GPC6: variants seen among roughly 807,000 people sequenced by gnomAD.
GPC6 encodes the protein glypican 6.
A neutral mutation model predicts 55.2 loss-of-function variants in GPC6; 14 were observed. The ratio of observed to expected loss-of-function variants is 0.25; its 90% CI spans 0.17 to 0.40. GPC6 has a LOEUF of 0.40. Among genes scored for constraint, GPC6 ranks in the 10% least tolerant of loss-of-function variants. The pLI, the probability that GPC6 is intolerant of heterozygous loss-of-function variation, is 1.00. For missense variants in GPC6, 641 were observed against 708.5 expected (o/e 0.90, Z 1.08); for synonymous variants, 278 against 259.6 (o/e 1.07, Z -0.68).
chr13:93,268,879 C>G (rs868829107), intron 1 of GPC6, among the ~76,000 whole-genome samples: 102 of 152,230 alleles, frequency 6.7e-4, no homozygotes, highest in African/African-American at 2.3e-3. Context: ...TTTCCTTCAA[C>G]AAGTTCCCTG....
At chr13:93,660,916 G>C (rs1022667729) in intron 2 of GPC6, among the ~76,000 whole-genome samples, 51 of 152,196 alleles carry the variant, frequency 3.4e-4, no homozygotes, top group African/African-American at 1.2e-3. Context: ...TCTGAGATGA[G>C]TGGAAATGAA....
intron 1 of GPC6, among the ~76,000 whole-genome samples, chr13:93,229,362 T>C (rs140475970): frequency 1.4e-4 from 21 of 152,316 alleles, no homozygotes; most frequent in Non-Finnish European, 2.6e-4. Context: ...CGGTATCTTT[T>C]AAGCACACAA....
At chr13:93,451,793 G>C (rs574793842) in intron 1 of GPC6, among the ~76,000 whole-genome samples, 12 of 152,076 alleles carry the variant, frequency 7.9e-5, no homozygotes, top group African/African-American at 2.7e-4. Context: ...AGGTACTTTC[G>C]GGTTTTCAGA....
At chr13:94,338,688 C>T (rs1322960926) in intron 6 of GPC6, among the ~76,000 whole-genome samples, 1 of 152,078 alleles carries the variant, frequency 6.6e-6, no homozygotes, top group African/African-American at 2.4e-5. Context: ...GATAAAAATC[C>T]TGAATTTTAC....
At chr13:94,169,109 G>A (rs368505099) in intron 4 of GPC6, among the ~76,000 whole-genome samples, 1 of 152,212 alleles carries the variant, frequency 6.6e-6, no homozygotes, top group African/African-American at 2.4e-5. Flanking sequence ...ATGAAGGCTT[G>A]AGCAAGTTTA....
chr13:93,343,511 T>G (rs1880331932), intron 1 of GPC6, among the ~76,000 whole-genome samples: 1 of 152,240 alleles, frequency 6.6e-6, no homozygotes, highest in Admixed American at 6.5e-5. Context: ...GTTACCTGCC[T>G]GTTATGAATG....
chr13:94,090,102 C>T (rs376081145), intron 4 of GPC6, among the ~76,000 whole-genome samples: 114 of 152,194 alleles, frequency 7.5e-4, no homozygotes, highest in African/African-American at 2.2e-3. Context: ...TTAATGGACT[C>T]ACAGTTCCAC....
intron 4 of GPC6, among the ~76,000 whole-genome samples, chr13:94,154,774 A>G (rs523303): frequency 0.92 from 139,893 of 152,276 alleles, 64,306 homozygotes; most frequent in East Asian, 0.99. Flanking sequence ...TTCTGTAAAG[A>G]CCTTTGGTTT....
At chr13:94,116,391 A>G (rs1886429112) in intron 4 of GPC6, among the ~76,000 whole-genome samples, 1 of 152,088 alleles carries the variant, frequency 6.6e-6, no homozygotes, top group African/African-American at 2.4e-5. Context: ...CCCAATTGTC[A>G]TATGTAAAGG....
chr13:93,398,887 T>C (rs1007280256), intron 1 of GPC6, among the ~76,000 whole-genome samples: 5 of 152,054 alleles, frequency 3.3e-5, no homozygotes, highest in African/African-American at 1.2e-4. Flanking sequence ...CTTCAGAGAG[T>C]GCTTTTGTTG....
intron 4 of GPC6, among the ~76,000 whole-genome samples, chr13:94,067,382 A>C (rs1272925299): frequency 6.6e-6 from 1 of 152,168 alleles, no homozygotes; most frequent in Non-Finnish European, 1.5e-5. Flanking sequence ...TAGAATCCAC[A>C]TCTCCCATTC....
chr13:93,719,562 G>A (rs1033088876), intron 2 of GPC6, among the ~76,000 whole-genome samples: 10 of 152,092 alleles, frequency 6.6e-5, no homozygotes, highest in East Asian at 3.9e-4. Flanking sequence ...CTTCATATTT[G>A]AACATGCTTT....
chr13:93,230,845 T>G (rs1429979718), intron 1 of GPC6, among the ~76,000 whole-genome samples: 5 of 152,094 alleles, frequency 3.3e-5, no homozygotes, highest in Admixed American at 2.0e-4. Flanking sequence ...CTCTGGGAAA[T>G]TCAGAGAATG....
intron 2 of GPC6, among the ~76,000 whole-genome samples, chr13:93,706,539 T>A (rs1882855028): frequency 6.6e-6 from 1 of 151,930 alleles, no homozygotes; most frequent in Non-Finnish European, 1.5e-5. Flanking sequence ...TTGCTTCAGT[T>A]AATCACTGCT....
At chr13:94,168,088 G>T (rs1888428120) in intron 4 of GPC6, among the ~76,000 whole-genome samples, 1 of 152,218 alleles carries the variant, frequency 6.6e-6, no homozygotes, top group Admixed American at 6.5e-5. Flanking sequence ...TATCATCACT[G>T]GTTGTCATAG....
At chr13:93,716,118 G>A (rs1883247477) in intron 2 of GPC6, among the ~76,000 whole-genome samples, 1 of 151,560 alleles carries the variant, frequency 6.6e-6, no homozygotes, top group Non-Finnish European at 1.5e-5. Flanking sequence ...AACTTACTCT[G>A]CTGCCAGTTG....
chr13:93,610,189 A>C (rs1878405390), intron 2 of GPC6, among the ~76,000 whole-genome samples: 1 of 152,184 alleles, frequency 6.6e-6, no homozygotes, highest in Non-Finnish European at 1.5e-5. Flanking sequence ...TTTACGGAAA[A>C]AACTTCGTAA....
chr13:93,675,645 A>C (rs143548419), intron 2 of GPC6, among the ~76,000 whole-genome samples: 1 of 152,306 alleles, frequency 6.6e-6, no homozygotes, highest in East Asian at 1.9e-4. Flanking sequence ...CATTTCAGAC[A>C]TATATTTACT....
intron 1 of GPC6, among the ~76,000 whole-genome samples, chr13:93,337,016 A>G (rs1405181052): frequency 6.6e-6 from 1 of 152,156 alleles, no homozygotes; most frequent in Admixed American, 6.5e-5. Flanking sequence ...TGATGCCAAA[A>G]CACACATCAG....
Sources: gnomAD v4.1 joint callset for allele counts (sites outside exome capture counted in the v4.1 genomes callset) on GRCh38, gnomAD v4.1.1 for gene constraint, MANE v1.5 for transcripts, NCBI Gene and HGNC (gene_info 2026-07-23, HGNC 2026-07-21) for gene names.